DACH1: variants seen among roughly 807,000 people sequenced by gnomAD.
DACH1 encodes the protein dachshund homolog 1.
Under a neutral mutation model 54.2 loss-of-function variants are expected in DACH1, and 12 were observed. That is an observed-to-expected ratio of 0.22 (90% CI 0.14 to 0.36). The LOEUF (loss-of-function observed/expected upper bound fraction) is 0.36, where lower values mean the gene tolerates loss of function less well. Among genes scored for constraint, DACH1 ranks in the 10% least tolerant of loss-of-function variants. The probability of loss-of-function intolerance (pLI) is 1.00; values close to 1 mark genes in which losing one functional copy is unlikely to be tolerated. For missense variants in DACH1, 805 were observed against 929.8 expected (o/e 0.87, Z 1.75); for synonymous variants, 386 against 366.2 (o/e 1.05, Z -0.62).
At chr13:71,676,172 A>G (rs764594550) in intron 2 of DACH1, among the ~76,000 whole-genome samples, 5 of 152,274 alleles carry the variant, frequency 3.3e-5, no homozygotes, top group Non-Finnish European at 5.9e-5. Flanking sequence ...GAGTATCCCA[A>G]TGAAATACAG....
chr13:71,604,788 T>C (rs1874756970), intron 3 of DACH1, among the ~76,000 whole-genome samples: 1 of 151,866 alleles, frequency 6.6e-6, no homozygotes, highest in African/African-American at 2.4e-5. Flanking sequence ...CATTATCTTA[T>C]CAGCTCTAGC....
intron 1 of DACH1, among the ~76,000 whole-genome samples, chr13:71,734,086 A>G (rs554129792): frequency 1.3e-5 from 2 of 149,696 alleles, no homozygotes; most frequent in South Asian, 4.1e-4. Flanking sequence ...ACACACTTGA[A>G]TATATATGTG....
At chr13:71,490,443 T>TA (rs1878885123) in intron 6 of DACH1, among the ~76,000 whole-genome samples, 1 of 151,906 alleles carries the variant, frequency 6.6e-6, no homozygotes, top group Non-Finnish European at 1.5e-5. Flanking sequence ...GAGAGGGGAG[T>TA]AACGGCCAGA....
intron 7 of DACH1, among the ~76,000 whole-genome samples, chr13:71,480,222 A>C (rs1474664866): frequency 6.6e-6 from 1 of 152,146 alleles, no homozygotes; most frequent in Admixed American, 6.5e-5. Context: ...TAATATATTT[A>C]AGCGATCTAA....
At chr13:71,856,421 T>A (rs1045721350) in intron 1 of DACH1, among the ~76,000 whole-genome samples, 2 of 151,974 alleles carry the variant, frequency 1.3e-5, no homozygotes, top group Non-Finnish European at 2.9e-5. Flanking sequence ...TACACACTTA[T>A]CAGAGCATTC....
intron 2 of DACH1, among the ~76,000 whole-genome samples, chr13:71,631,733 A>G (rs959349062): frequency 3.3e-5 from 5 of 152,160 alleles, no homozygotes; most frequent in South Asian, 2.1e-4. Context: ...CCACTATGCA[A>G]AGAAAATTTG....
intron 6 of DACH1, among the ~76,000 whole-genome samples, chr13:71,545,857 C>T (rs987087392): frequency 6.6e-6 from 1 of 151,926 alleles, no homozygotes; most frequent in Non-Finnish European, 1.5e-5. Context: ...CCTTCATTAA[C>T]ATAAGGGAAG....
intron 1 of DACH1, among the ~76,000 whole-genome samples, chr13:71,804,058 T>G (rs895326877): frequency 6.6e-6 from 1 of 152,108 alleles, no homozygotes; most frequent in African/African-American, 2.4e-5. Context: ...GTGGCTCACA[T>G]AGGTAATCCC....
intron 4 of DACH1, among the ~76,000 whole-genome samples, chr13:71,572,241 C>T (rs1186216786): frequency 6.6e-6 from 1 of 151,878 alleles, no homozygotes; most frequent in Non-Finnish European, 1.5e-5. Context: ...ATAACACATA[C>T]GATGCACAAA....
Position 71,647,335 on chromosome 13 carries a change from C to T in DACH1, c.965-16618G>A, listed in dbSNP as rs983139972. On this transcript the variant is annotated intron_variant, in intron 2 of 10. Transcript: ENST00000613252. ...CCAGTCCTTGTACAAAGAGTTTTCA[C>T]GAGCACAATTACAGTTAGATAAATC... is the stretch of plus-strand genomic sequence containing the variant. Among the ~76,000 whole-genome samples the T allele has an allele frequency of 4.6e-5, 7 of 152,108 alleles. No homozygotes were observed. The East Asian group carries it at 5.8e-4, about 13-fold the overall frequency.
chr13:71,514,550 C>T (rs1881018447), intron 6 of DACH1, among the ~76,000 whole-genome samples: 1 of 151,740 alleles, frequency 6.6e-6, no homozygotes, highest in Admixed American at 6.6e-5. Flanking sequence ...ATTACTATTA[C>T]TATAACTTTG....
At chr13:71,441,765 T>A (rs907098509) in intron 10 of DACH1, among the ~76,000 whole-genome samples, 1 of 152,116 alleles carries the variant, frequency 6.6e-6, no homozygotes, top group African/African-American at 2.4e-5. Flanking sequence ...CTATAGTGGA[T>A]ATAGTAAGTT....
chr13:71,764,619 T>A (rs1292769213), intron 1 of DACH1, among the ~76,000 whole-genome samples: 1 of 152,206 alleles, frequency 6.6e-6, no homozygotes, highest in African/African-American at 2.4e-5. Flanking sequence ...CACTAGGGTA[T>A]AAGTCTCGTA....
chr13:71,706,714 C>A (rs1594119368), intron 1 of DACH1, among the ~76,000 whole-genome samples: 1 of 151,928 alleles, frequency 6.6e-6, no homozygotes, highest in East Asian at 1.9e-4. Context: ...TTTTTTCAGA[C>A]CAAAATATGC....
chr13:71,647,840 T>A (rs1200280416), intron 2 of DACH1, among the ~76,000 whole-genome samples: 1 of 152,222 alleles, frequency 6.6e-6, no homozygotes, highest in Admixed American at 6.5e-5. Context: ...GCCCACTTAC[T>A]TTGCTATTTC....
chr13:71,708,724 CTAA>C (rs1336272869), intron 1 of DACH1, among the ~76,000 whole-genome samples: 2 of 152,008 alleles, frequency 1.3e-5, no homozygotes, highest in Non-Finnish European at 2.9e-5. Context: ...GATAAGCAAG[CTAA>C]TATCTTCCAA....
At chr13:71,717,076 G>A (rs1444650637) in intron 1 of DACH1, among the ~76,000 whole-genome samples, 1 of 151,818 alleles carries the variant, frequency 6.6e-6, no homozygotes, top group Non-Finnish European at 1.5e-5. Flanking sequence ...CTAATGCTAA[G>A]GATTCATCCA....
chr13:71,707,826 C>T (rs1367861724), intron 1 of DACH1, among the ~76,000 whole-genome samples: 1 of 151,994 alleles, frequency 6.6e-6, no homozygotes, highest in Non-Finnish European at 1.5e-5. Flanking sequence ...TTAAAAATAA[C>T]AGGCTGTAGG....
rs567669965 is a variant in DACH1 at position 71,570,207 on chromosome 13, T to C, written c.1299+2633A>G. The stretch of plus-strand genomic sequence containing the variant: ...TTCTTGGAGGACCTATTCCTCACCC[T>C]TATTCTCTGAGGACACTCACTTGAT... On this transcript the variant is annotated intron_variant, in intron 4 of 10. Coordinates refer to ENST00000613252, the MANE Select transcript of DACH1 (RefSeq NM_080759.6). Among the ~76,000 whole-genome samples the C allele has an allele frequency of 2.0e-5, 3 of 152,316 alleles. No individual in the cohort carries two copies. In the South Asian group the frequency reaches 6.2e-4, roughly 32 times the overall value.
Sources: allele counts gnomAD v4.1 joint callset (sites outside exome capture counted in the v4.1 genomes callset), GRCh38; gene constraint gnomAD v4.1.1; transcripts MANE v1.5; gene names NCBI Gene and HGNC (gene_info 2026-07-23, HGNC 2026-07-21).